Variants in ACSL1 observed in about 807,000 individuals in gnomAD.
The protein encoded by ACSL1 is long-chain-fatty-acid--CoA ligase 1.
In ACSL1, 41 loss-of-function variants were observed where a neutral mutation model predicts 98.4. The observed-to-expected ratio is 0.42, with a 90% confidence interval of 0.32 to 0.54. The LOEUF is 0.54. Ranked by LOEUF, ACSL1 falls within the 20% of genes least tolerant of loss-of-function variation. ACSL1 has a pLI of 0.13. For missense variants in ACSL1, 734 were observed against 883.1 expected (o/e 0.83, Z 2.14); for synonymous variants, 316 against 322.7 (o/e 0.98, Z 0.22).
chr4:184,795,426 T>C (rs1769182692), intron 2 of ACSL1, among the ~76,000 whole-genome samples: 1 of 152,260 alleles, frequency 6.6e-6, no homozygotes, highest in Non-Finnish European at 1.5e-5. Flanking sequence ...AATTGTGTTT[T>C]CAGACCTGCT....
intron 2 of ACSL1, among the ~76,000 whole-genome samples, chr4:184,793,194 T>TAAAAA (rs5864899): frequency 7.4e-6 from 1 of 135,996 alleles, no homozygotes; most frequent in Non-Finnish European, 1.6e-5. Flanking sequence ...TGTTCCCAGT[T>TAAAAA]AAAAAAAAAA....
At chr4:184,804,897 C>A (rs1042863298) in intron 1 of ACSL1, among the ~76,000 whole-genome samples, 4 of 152,152 alleles carry the variant, frequency 2.6e-5, no homozygotes, top group African/African-American at 9.7e-5. Context: ...AAAAACACTG[C>A]CTACAAGGAG....
intron 1 of ACSL1, among the ~76,000 whole-genome samples, chr4:184,818,631 C>A (rs552359329): frequency 2.0e-5 from 3 of 152,250 alleles, no homozygotes; most frequent in Middle Eastern, 3.4e-3. Context: ...TGCTTACTAG[C>A]GGTAAGGCCC....
At chr4:184,760,980 T>C (rs1183167283) in intron 17 of ACSL1, among the ~76,000 whole-genome samples, 4 of 152,160 alleles carry the variant, frequency 2.6e-5, no homozygotes, top group Non-Finnish European at 4.4e-5. Context: ...TCTGGAGGGG[T>C]GCTCTTGGCC....
chr4:184,769,351 T>C (rs1040301737), intron 11 of ACSL1, among the ~76,000 whole-genome samples: 2 of 152,146 alleles, frequency 1.3e-5, no homozygotes, highest in Non-Finnish European at 2.9e-5. Context: ...ACCTGACAGT[T>C]TGCCTATTTT....
At chr4:184,826,102 C>T (rs1290238644), upstream of ACSL1, 12 of 146,944 alleles carry the variant, frequency 8.2e-5, no homozygotes, top group South Asian at 2.2e-3. Context: ...CCCGCCCTCC[C>T]GCGGCCCCGC....
chr4:184,810,964 A>C (rs1772002601), intron 1 of ACSL1, among the ~76,000 whole-genome samples: 1 of 152,204 alleles, frequency 6.6e-6, no homozygotes, highest in African/African-American at 2.4e-5. Flanking sequence ...GTTCCACATG[A>C]GAACAGGATG....
chr4:184,763,362 T>C, intron 15 of ACSL1, 107 bp from the exon 16 acceptor site: 1 of 1,010,262 alleles, frequency 9.9e-7, no homozygotes, highest in Non-Finnish European at 1.5e-6. Flanking sequence ...ACGGCTGGGA[T>C]AAACTTCTGA....
chr4:184,797,155 AGCTCCC>A (rs1377999871), intron 2 of ACSL1, among the ~76,000 whole-genome samples: 1 of 148,230 alleles, frequency 6.7e-6, no homozygotes, highest in Admixed American at 6.7e-5. Context: ...GATCAACAAC[AGCTCCC>A]GCTCACAGCG....
At chr4:184,763,904 G>A (rs1763207182) in intron 15 of ACSL1, among the ~76,000 whole-genome samples, 2 of 152,150 alleles carry the variant, frequency 1.3e-5, no homozygotes, top group Admixed American at 1.3e-4. Context: ...TTAATAATTT[G>A]AGCTTCTAGA....
At chr4:184,782,484 C>T (rs1047539288) in intron 4 of ACSL1, among the ~76,000 whole-genome samples, 12 of 152,132 alleles carry the variant, frequency 7.9e-5, no homozygotes, top group African/African-American at 2.4e-5. Flanking sequence ...CTGCAATGGA[C>T]GTGTCTTCTC....
At chr4:184,764,179 T>A (rs1763244942) in intron 15 of ACSL1, among the ~76,000 whole-genome samples, 1 of 152,202 alleles carries the variant, frequency 6.6e-6, no homozygotes, top group Non-Finnish European at 1.5e-5. Flanking sequence ...GGGGTTGAAA[T>A]CCTGGCTCCA....
intron 2 of ACSL1, among the ~76,000 whole-genome samples, chr4:184,795,985 G>C (rs189793037): frequency 6.6e-6 from 1 of 152,170 alleles, no homozygotes; most frequent in African/African-American, 2.4e-5. Context: ...TGATTAGATC[G>C]AAGGATATGA....
At chr4:184,781,860 G>A (rs921261327) in intron 4 of ACSL1, among the ~76,000 whole-genome samples, 2 of 152,110 alleles carry the variant, frequency 1.3e-5, no homozygotes, top group African/African-American at 4.8e-5. Context: ...ATCTGCCCCC[G>A]TCGGCCTCCC....
At chr4:184,812,241 T>C in intron 1 of ACSL1, 5 of 985,360 alleles carry the variant, frequency 5.1e-6, no homozygotes, top group Non-Finnish European at 6.0e-6. Flanking sequence ...TATATGCCCT[T>C]GGTTCTTAAC....
At chr4:184,813,735 G>C in intron 1 of ACSL1, 3 of 422,174 alleles carry the variant, frequency 7.1e-6, no homozygotes, top group East Asian at 7.4e-5. Context: ...CACAAAGTAA[G>C]CCCTGAAGCA....
intron 5 of ACSL1, among the ~76,000 whole-genome samples, chr4:184,779,019 G>T (rs535958776): frequency 3.3e-5 from 5 of 151,662 alleles, no homozygotes; most frequent in South Asian, 4.2e-4. Flanking sequence ...GAATAAATTC[G>T]ATTTCTTCAA....
In ACSL1 at chr4:184,788,806, A is replaced by C. The variant is rs1234689126; in HGVS notation, c.196-75T>G. The C allele has an allele frequency of 6.5e-6, 7 of 1,077,722 alleles. No individual in the cohort carries two copies. In the East Asian group the frequency reaches 1.7e-4, roughly 26 times the overall value. 66.8% of individuals were successfully genotyped at this position (1,077,722 alleles called of 1,614,324 possible). The stretch of plus-strand genomic sequence containing the variant: ...CACTGTGGAATGGCTAAATCAAGCT[A>C]ATTAACATATCCATTCCTTTACATT... On this transcript the variant is annotated intron_variant, in intron 2 of 20. Transcript: ENST00000281455.
chr4:184,784,415 G>A (rs1015535691), intron 3 of ACSL1, among the ~76,000 whole-genome samples: 3 of 152,108 alleles, frequency 2.0e-5, no homozygotes, highest in Non-Finnish European at 4.4e-5. Context: ...TTCAGAATAC[G>A]GAAAGGAAAA....
Sources: gnomAD v4.1 joint callset for allele counts (sites outside exome capture counted in the v4.1 genomes callset) on GRCh38, gnomAD v4.1.1 for gene constraint, MANE v1.5 for transcripts, NCBI Gene and HGNC (gene_info 2026-07-23, HGNC 2026-07-21) for gene names.